Variants in SLC22A8 observed in about 807,000 individuals in gnomAD.
The protein encoded by SLC22A8 is organic anion transporter 3.
SLC22A8 carries 40 observed loss-of-function variants against 48.4 expected under a neutral mutation model. The observed-to-expected ratio is 0.83, with a 90% confidence interval of 0.64 to 1.08. The LOEUF (loss-of-function observed/expected upper bound fraction) is 1.08. Among genes scored for constraint, SLC22A8 ranks in the 50% least tolerant of loss-of-function variants. The probability of loss-of-function intolerance (pLI) is 0.00; values close to 1 mark genes in which losing one functional copy is unlikely to be tolerated. For synonymous variants in SLC22A8, 268 were observed against 286.3 expected (o/e 0.94, Z 0.65); for missense variants, 606 against 699.0 (o/e 0.87, Z 1.50).
At chr11:63,007,964 C>G (rs2086574824) in intron 2 of SLC22A8, among the ~76,000 whole-genome samples, 1 of 152,216 alleles carries the variant, frequency 6.6e-6, no homozygotes. Flanking sequence ...AGATGCTACC[C>G]TTGGCCCTGA....
chr11:62,996,019 C>T lies in SLC22A8; in HGVS notation c.885+10G>A. On this transcript the variant is annotated intron_variant, in intron 6 of 10. Transcript: ENST00000336232. ...GGTTCTGCTCCCAGACTATAGTCCTCAGCCCCTACCTCCAAGCTGAGCCTT... is the reference window on the plus strand; with the variant it reads ...GGTTCTGCTCCCAGACTATAGTCCTTAGCCCCTACCTCCAAGCTGAGCCTT... 4 of 1,614,120 alleles carry T rather than the reference C, an allele frequency of 2.5e-6. No individual in the cohort carries two copies. The highest frequency in any genetic ancestry group is 3.4e-6 in the Non-Finnish European group (4 of 1,179,996).
intron 3 of SLC22A8, 123 bp from the exon 4 acceptor site, chr11:62,999,965 A>C: frequency 1.3e-6 from 1 of 747,152 alleles, no homozygotes; most frequent in Non-Finnish European, 2.0e-6. Flanking sequence ...TGGGCACATA[A>C]AGCTCCCTCC....
chr11:63,003,456 G>T (rs1319826602), intron 2 of SLC22A8, among the ~76,000 whole-genome samples: 1 of 152,112 alleles, frequency 6.6e-6, no homozygotes, highest in Non-Finnish European at 1.5e-5. Context: ...TATGTGTGTT[G>T]GGAGGAGATG....
intron 5 of SLC22A8, among the ~76,000 whole-genome samples, chr11:62,996,386 C>A (rs947913173): frequency 6.6e-6 from 1 of 152,254 alleles, no homozygotes; most frequent in East Asian, 1.9e-4. Flanking sequence ...CCTCTGCCCC[C>A]GACCTGGGCC....
chr11:63,003,705 G>A (rs992915724), intron 2 of SLC22A8, among the ~76,000 whole-genome samples: 1 of 152,190 alleles, frequency 6.6e-6, no homozygotes, highest in Non-Finnish European at 1.5e-5. Flanking sequence ...AATGGAATGT[G>A]AGTAGAAGAG....
At chr11:63,015,116 T>C (rs1195822358) in intron 1 of SLC22A8, 133 bp from the exon 2 acceptor site, 2 of 548,476 alleles carry the variant, frequency 3.6e-6, no homozygotes, top group Non-Finnish European at 6.2e-6. Context: ...TGTGTAAGTG[T>C]GTAAAGATGT....
chr11:62,999,535 A>G, intron 4 of SLC22A8, 153 bp downstream of exon 4: 1 of 555,076 alleles, frequency 1.8e-6, no homozygotes, highest in South Asian at 3.9e-5. Flanking sequence ...TGTCATTTTT[A>G]AATTTAAGTG....
At position 62,993,137 on chromosome 11, in the gene SLC22A8, T is replaced by C; in HGVS notation, c.*100A>G. 1 of 831,848 alleles carries C rather than the reference T, an allele frequency of 1.2e-6. No individual in the cohort carries two copies. Among genetic ancestry groups the C allele is most frequent in the South Asian group, 1.8e-5 (1 of 56,782 alleles). 51.5% of individuals were successfully genotyped at this position (831,848 alleles called of 1,614,324 possible). A position where few individuals can be genotyped will look rare whatever the true frequency, so the allele number is the denominator to read the frequency against. On this transcript the variant is annotated 3_prime_UTR_variant, in exon 11 of 11. Transcript: ENST00000336232. The stretch of plus-strand genomic sequence containing the variant: ...ACCTTCACCAAGCTCTCAGAAGGCT[T>C]CATCCTAGGAGGATGGACCTATATG...
chr11:62,994,524 G>A lies in SLC22A8; in HGVS notation c.1216+18C>T, dbSNP rs375750340. ...GCAGCCTCTTCCAGAGGGTTCTGGG[G>A]TAGCCCCAGTCTCTCACCCAAGGGC... On this transcript the variant is annotated intron_variant, in intron 8 of 10. Transcript: ENST00000336232. 10 of 1,571,116 alleles carry A rather than the reference G, an allele frequency of 6.4e-6. No individual in the cohort carries two copies. The Middle Eastern group carries it at 5.0e-4, about 78-fold the overall frequency.
intron 2 of SLC22A8, among the ~76,000 whole-genome samples, chr11:63,003,173 A>G (rs1330675283): frequency 6.6e-6 from 1 of 152,180 alleles, no homozygotes; most frequent in African/African-American, 2.4e-5. Context: ...CTAATCCCCA[A>G]CATGCACCCT....
Position 62,994,392 on chromosome 11 carries a change from A to G in SLC22A8, c.1216+150T>C, listed in dbSNP as rs2086383143. On this transcript the variant is annotated intron_variant, in intron 8 of 10. Coordinates refer to ENST00000336232, the MANE Select transcript of SLC22A8 (RefSeq NM_004254.4). ...TCATGTCATCTAGCCCAATTGCGTT[A>G]TTTTCTAGAAGAGAGACCCTGAGCC... The G allele has an allele frequency of 7.9e-6, 5 of 635,038 alleles. No individual in the cohort carries two copies. In the East Asian group the frequency reaches 1.4e-4, roughly 17 times the overall value. 39.3% of individuals were successfully genotyped at this position (635,038 alleles called of 1,614,324 possible). A position where few individuals can be genotyped will look rare whatever the true frequency, so the allele number is the denominator to read the frequency against.
At chr11:63,014,553 T>A (rs2086652419) in intron 2 of SLC22A8, 73 bp downstream of exon 2, 1 of 1,353,000 alleles carries the variant, frequency 7.4e-7, no homozygotes, top group East Asian at 2.3e-5. Flanking sequence ...CCCAGCCTCC[T>A]CTGCTGCCCA....
At chr11:62,993,692 G>A (rs971879004) in intron 9 of SLC22A8, 65 bp from the exon 10 acceptor site, 38 of 1,596,328 alleles carry the variant, frequency 2.4e-5, no homozygotes, top group Non-Finnish European at 3.2e-5. Flanking sequence ...GGCTCCCCTG[G>A]GTAGAGGACA....
chr11:62,995,729 T>C lies in SLC22A8; in HGVS notation c.976A>G (p.Met326Val), dbSNP rs1449872803. ...CAGGCCAGGGAAAGACAGAAGGTCA[T>C]GCGGCGCAGCATGGGTATCCGGAAC... Reference protein sequence around the residue: ...DLFRIPMLRRMTFCLSLAWFA... With the variant: ...DLFRIPMLRRVTFCLSLAWFA... The change falls in exon 7 of 11, where the codon ATG becomes GTG. Residue 326 changes from methionine (M) to valine (V), a missense_variant. Physicochemically the swap from Met to Val is conservative, Grantham distance 21. Transcript: ENST00000336232. 1.1e-5 allele frequency: 17 copies of C among 1,613,882 alleles called. No individual in the cohort carries two copies. The highest frequency in any genetic ancestry group is 1.4e-5 in the Non-Finnish European group (16 of 1,179,908).
Position 62,993,599 on chromosome 11 carries a change from A to ACAGGTT in SLC22A8, c.1348_1353dup (p.Asn450_Leu451dup). 6.2e-7 allele frequency: 1 copy of ACAGGTT among 1,612,108 alleles called. No homozygotes were observed. The highest frequency in any genetic ancestry group is 8.5e-7 in the Non-Finnish European group (1 of 1,178,470). On this transcript the variant is annotated inframe_insertion, in exon 10 of 11. Transcript: ENST00000336232. Reference sequence around the variant, plus strand: ...GACACCATGCTTCCCACGCGGGTCCACAGGTTACTTACGCCCATACCTGTT... The same window carrying ACAGGTT: ...GACACCATGCTTCCCACGCGGGTCCACAGGTTCAGGTTACTTACGCCCATACCTGTT...
intron 2 of SLC22A8, among the ~76,000 whole-genome samples, chr11:63,006,595 GT>G (rs58058368): frequency 3.6e-3 from 187 of 51,410 alleles, no homozygotes; most frequent in East Asian, 5.6e-3. Context: ...TCTCATTTGA[GT>G]TTTTTTTTTT....
At chr11:63,001,664 CCTCT>C (rs1211783489) in intron 2 of SLC22A8, among the ~76,000 whole-genome samples, 1 of 152,168 alleles carries the variant, frequency 6.6e-6, no homozygotes, top group Non-Finnish European at 1.5e-5. Context: ...CCTGAATCCT[CCTCT>C]CTCTCCACTT....
intron 1 of SLC22A8, 24 bp from the exon 2 acceptor site, chr11:63,015,007 G>T: frequency 6.7e-7 from 1 of 1,486,992 alleles, no homozygotes; most frequent in South Asian, 1.3e-5. Flanking sequence ...ATAGGCCAGG[G>T]AGAGGTATAT....
intron 6 of SLC22A8, 54 bp from the exon 7 acceptor site, chr11:62,995,873 C>G: frequency 7.2e-6 from 11 of 1,520,694 alleles, no homozygotes; most frequent in Non-Finnish European, 1.0e-5. Flanking sequence ...GTGGGCAGGA[C>G]GAAGAGAGGG....
Sources: allele counts gnomAD v4.1 joint callset (sites outside exome capture counted in the v4.1 genomes callset), GRCh38; gene constraint gnomAD v4.1.1; transcripts MANE v1.5; gene names NCBI Gene and HGNC (gene_info 2026-07-23, HGNC 2026-07-21).